The following GPR107 variants were observed in gnomAD, a reference collection of about 807,000 sequenced individuals.
GPR107 encodes the protein protein GPR107.
A neutral mutation model predicts 75.5 loss-of-function variants in GPR107; 31 were observed. That is an observed-to-expected ratio of 0.41 (90% CI 0.31 to 0.55). GPR107 has a LOEUF of 0.55. Ranked by LOEUF, GPR107 falls within the 20% of genes least tolerant of loss-of-function variation. The pLI, the probability that GPR107 is intolerant of heterozygous loss-of-function variation, is 0.26. For synonymous variants in GPR107, 267 were observed against 251.3 expected (o/e 1.06, Z -0.59); for missense variants, 572 against 665.7 (o/e 0.86, Z 1.55).
intron 17 of GPR107, among the ~76,000 whole-genome samples, chr9:130,132,743 G>A (rs1217935041): frequency 8.6e-5 from 13 of 151,610 alleles, no homozygotes; most frequent in Admixed American, 2.0e-4. Flanking sequence ...TCGAGATGGC[G>A]CCACTGCACT....
chr9:130,093,613 A>G (rs1830793762), intron 9 of GPR107, among the ~76,000 whole-genome samples: 1 of 152,096 alleles, frequency 6.6e-6, no homozygotes, highest in South Asian at 2.1e-4. Context: ...ACCAGATAGA[A>G]AGAGTTTCTT....
chr9:130,070,593 C>T (rs1054707069), intron 1 of GPR107, among the ~76,000 whole-genome samples: 2 of 152,160 alleles, frequency 1.3e-5, no homozygotes, highest in African/African-American at 2.4e-5. Context: ...CGTGAGCCAC[C>T]GCGCCTAGCC....
intron 15 of GPR107, 125 bp downstream of exon 15, chr9:130,125,089 G>GTTTT: frequency 7.7e-4 from 77 of 100,558 alleles, no homozygotes; most frequent in South Asian, 2.9e-3. Context: ...AGTGTGGCTT[G>GTTTT]CTTTTTTTTT....
chr9:130,121,097 T>C (rs1589527214), intron 14 of GPR107, among the ~76,000 whole-genome samples: 1 of 152,042 alleles, frequency 6.6e-6, no homozygotes, highest in African/African-American at 2.4e-5. Flanking sequence ...TTTGAGATCA[T>C]GTAAGCCCAG....
intron 1 of GPR107, among the ~76,000 whole-genome samples, chr9:130,067,657 A>G (rs944971563): frequency 1.3e-5 from 2 of 152,062 alleles, no homozygotes; most frequent in Non-Finnish European, 2.9e-5. Flanking sequence ...TGTATGTGCA[A>G]TGAGCCAAGA....
intron 1 of GPR107, among the ~76,000 whole-genome samples, chr9:130,074,626 A>T (rs1256077927): frequency 6.6e-6 from 1 of 152,012 alleles, no homozygotes; most frequent in African/African-American, 2.4e-5. Flanking sequence ...GTCTCACCAA[A>T]CCTTAGGATT....
At chr9:130,082,817 C>G (rs1177506265) in intron 5 of GPR107, among the ~76,000 whole-genome samples, 1 of 151,906 alleles carries the variant, frequency 6.6e-6, no homozygotes, top group East Asian at 1.9e-4. Flanking sequence ...TAGATGCCCA[C>G]TCTGTTCCAT....
At chr9:130,080,471 G>GTTTATTGA (rs1554892460) in intron 5 of GPR107, among the ~76,000 whole-genome samples, 9 of 146,604 alleles carry the variant, frequency 6.1e-5, no homozygotes, top group African/African-American at 2.0e-4. Flanking sequence ...AGGTATTCCT[G>GTTTATTGA]TTTATTTATT....
rs1274034199 is a variant in GPR107, at chr9:130,138,602, ACATAGGCT to A, written c.*3485_*3492del. On this transcript the variant is annotated 3_prime_UTR_variant, in exon 18 of 18. Coordinates refer to ENST00000347136, the MANE Select transcript of GPR107 (RefSeq NM_020960.5). ...CTTTCTCCCCGTGCCTATTGATCCCACATAGGCTCATTCTGGGTACACCGGCTAAAGGC... is the reference window on the plus strand; with the variant it reads ...CTTTCTCCCCGTGCCTATTGATCCCACATTCTGGGTACACCGGCTAAAGGC... 6.8e-6 allele frequency: 1 copy of A among 147,612 alleles called. No homozygotes were observed. The highest frequency in any genetic ancestry group is 1.5e-5 in the Non-Finnish European group (1 of 67,428). 9.1% of individuals were successfully genotyped at this position (147,612 alleles called of 1,614,324 possible).
intron 14 of GPR107, among the ~76,000 whole-genome samples, chr9:130,117,975 G>A (rs962481774): frequency 4.6e-5 from 7 of 152,210 alleles, no homozygotes; most frequent in Non-Finnish European, 7.3e-5. Flanking sequence ...TAATCGTCCT[G>A]ACCTGTGTCG....
At position 130,127,467 on chromosome 9, in the gene GPR107, T is replaced by C. The variant is rs1024343757; in HGVS notation, c.1357-16T>C. The C allele has an allele frequency of 1.9e-5, 26 of 1,405,258 alleles. No individual in the cohort carries two copies. Among genetic ancestry groups the C allele is most frequent in the Non-Finnish European group, 2.6e-5 (26 of 992,220 alleles). 87.0% of individuals were successfully genotyped at this position (1,405,258 alleles called of 1,614,324 possible). On this transcript the variant is annotated splice_polypyrimidine_tract_variant and intron_variant, in intron 15 of 17. Coordinates refer to ENST00000347136, the MANE Select transcript of GPR107 (RefSeq NM_020960.5). ...TAATGTTGATCTGATTTCCTGTTTC[T>C]TTCCTCCTCATGCAGATTGTGTGTT... is the stretch of plus-strand genomic sequence containing the variant.
intron 9 of GPR107, among the ~76,000 whole-genome samples, chr9:130,097,504 G>C (rs1830905081): frequency 6.6e-6 from 1 of 151,990 alleles, no homozygotes; most frequent in Non-Finnish European, 1.5e-5. Flanking sequence ...TGGCATATAG[G>C]TTTATACGTC....
chr9:130,121,935 G>A (rs935169118), intron 14 of GPR107, among the ~76,000 whole-genome samples: 2 of 151,748 alleles, frequency 1.3e-5, no homozygotes, highest in Non-Finnish European at 2.9e-5. Flanking sequence ...CTGTCACCCA[G>A]GCTGGAGTGC....
At chr9:130,064,185 C>CTT (rs1045833413) in intron 1 of GPR107, among the ~76,000 whole-genome samples, 5,276 of 82,312 alleles carry the variant, frequency 0.064, 511 homozygotes, top group Admixed American at 0.099. Flanking sequence ...AATAGCTTTT[C>CTT]TTTTTTTTTT....
intron 14 of GPR107, among the ~76,000 whole-genome samples, chr9:130,115,444 T>G (rs1211164893): frequency 1.3e-5 from 2 of 150,112 alleles, no homozygotes; most frequent in Admixed American, 6.7e-5. Flanking sequence ...AGAGCAGTTC[T>G]GCTCTGGTCC....
intron 1 of GPR107, among the ~76,000 whole-genome samples, chr9:130,063,517 T>A (rs978347487): frequency 1.2e-4 from 18 of 152,128 alleles, no homozygotes; most frequent in Admixed American, 2.0e-4. Context: ...TTATTTAAAA[T>A]TTTTTTCAGT....
At chr9:130,074,113 G>A (rs1231823030) in intron 1 of GPR107, among the ~76,000 whole-genome samples, 1 of 152,176 alleles carries the variant, frequency 6.6e-6, no homozygotes, top group African/African-American at 2.4e-5. Context: ...CCTTAGGCCT[G>A]AGCAGGGAGG....
At chr9:130,071,946 A>G (rs1331153970) in intron 1 of GPR107, among the ~76,000 whole-genome samples, 1 of 148,270 alleles carries the variant, frequency 6.7e-6, no homozygotes, top group African/African-American at 2.5e-5. Flanking sequence ...CGGCCTCCCA[A>G]AGTGCTGGGA....
chr9:130,056,663 C>T (rs531466244), intron 1 of GPR107, among the ~76,000 whole-genome samples: 8 of 151,958 alleles, frequency 5.3e-5, no homozygotes, highest in Middle Eastern at 6.8e-3. Flanking sequence ...CAGTGGCTCA[C>T]GCCTGTAATC....
Sources: gnomAD v4.1 joint callset for allele counts (sites outside exome capture counted in the v4.1 genomes callset) on GRCh38, gnomAD v4.1.1 for gene constraint, MANE v1.5 for transcripts, NCBI Gene and HGNC (gene_info 2026-07-23, HGNC 2026-07-21) for gene names.